DUSP10: variants seen among roughly 807,000 people sequenced by gnomAD.
DUSP10 encodes dual specificity phosphatase 10.
DUSP10 carries 14 observed loss-of-function variants against 30.8 expected under a neutral mutation model. The ratio of observed to expected loss-of-function variants is 0.46; its 90% confidence interval spans 0.30 to 0.71. DUSP10 has a LOEUF of 0.71. Ranked by LOEUF, DUSP10 falls within the 30% of genes least tolerant of loss-of-function variation. The pLI, the probability that DUSP10 is intolerant of heterozygous loss-of-function variation, is 0.08. For synonymous variants in DUSP10, 254 were observed against 250.4 expected, an observed-to-expected ratio of 1.01 and a Z score of -0.14; for missense variants, 550 against 619.4, an observed-to-expected ratio of 0.89 and a Z score of 1.19.
intron 2 of DUSP10, among the ~76,000 whole-genome samples, chr1:221,738,672 G>T (rs953170324): frequency 2.0e-5 from 3 of 152,204 alleles, no homozygotes; most frequent in Non-Finnish European, 4.4e-5. Flanking sequence ...TGAGAAAACA[G>T]TCCCAGAGAG....
At chr1:221,710,952 G>T (rs80077732) in intron 2 of DUSP10, among the ~76,000 whole-genome samples, 14 of 152,184 alleles carry the variant, frequency 9.2e-5, no homozygotes, top group African/African-American at 2.6e-4. Flanking sequence ...AAGGCGGGGT[G>T]GGGGGGCAGC....
intron 3 of DUSP10, among the ~76,000 whole-genome samples, 190 bp downstream of exon 3, chr1:221,705,905 A>G (rs1660745428): frequency 6.6e-6 from 1 of 152,164 alleles, no homozygotes; most frequent in Non-Finnish European, 1.5e-5. Flanking sequence ...ATCCATCCTG[A>G]TGGCTTGGAT....
intron 2 of DUSP10, chr1:221,737,393 C>T (rs1177334359): frequency 3.0e-6 from 3 of 985,350 alleles, no homozygotes; most frequent in Non-Finnish European, 3.6e-6. Flanking sequence ...AGGCTAGACA[C>T]ATCAAGATTA....
At chr1:221,716,560 T>C (rs529725196) in intron 2 of DUSP10, among the ~76,000 whole-genome samples, 2 of 152,344 alleles carry the variant, frequency 1.3e-5, no homozygotes, top group East Asian at 1.9e-4. Context: ...CTACTTCTAT[T>C]GAACTCCATT....
In DUSP10 at chr1:221,706,585, A is replaced by G. The variant is rs754487222; in HGVS notation, c.812-119T>C. On this transcript the variant is annotated intron_variant, in intron 2 of 3. Coordinates refer to ENST00000366899, the MANE Select transcript of DUSP10 (RefSeq NM_007207.6). This position sits in a 1 kb window ranked among gnomAD's most constrained non-coding sequence, Gnocchi z 4.6. Reference sequence around the variant, plus strand: ...ATGCATATTTTAAATACATATATAAATATGTATTTAAGCAAAAAAAATAAA... The same window carrying G: ...ATGCATATTTTAAATACATATATAAGTATGTATTTAAGCAAAAAAAATAAA... The G allele has an allele frequency of 3.6e-5, 23 of 644,620 alleles. No homozygotes were observed. The highest frequency in any genetic ancestry group is 5.4e-5 in the Non-Finnish European group (23 of 429,850). 39.9% of individuals were successfully genotyped at this position (644,620 alleles called of 1,614,324 possible).
intron 2 of DUSP10, among the ~76,000 whole-genome samples, chr1:221,738,232 A>G (rs957571196): frequency 6.6e-6 from 1 of 152,236 alleles, no homozygotes; most frequent in Non-Finnish European, 1.5e-5. Flanking sequence ...CCATTACTCC[A>G]TCTTGGGAGG....
intron 2 of DUSP10, among the ~76,000 whole-genome samples, chr1:221,723,117 A>G (rs1260978395): frequency 6.6e-6 from 1 of 152,218 alleles, no homozygotes; most frequent in Non-Finnish European, 1.5e-5. Context: ...GGGCCAACAC[A>G]TATGTTTGTC....
Position 221,739,591 on chromosome 1 carries a change from A to C in DUSP10, c.154T>G (p.Ser52Ala), listed in dbSNP as rs557962750. The change falls in exon 2 of 4, where the codon TCC becomes GCC. Residue 52 changes from serine to alanine, a missense_variant. Transcript: ENST00000366899. ...HPPVIATTVV[S>A]LKAANLTYMP... Reference sequence around the variant, plus strand: ...TACGTCAGATTCGCAGCCTTGAGGGACACAACGGTGGTGGCGATGACAGGA... The same window carrying C: ...TACGTCAGATTCGCAGCCTTGAGGGCCACAACGGTGGTGGCGATGACAGGA... The C allele has an allele frequency of 1.1e-5, 18 of 1,614,060 alleles. No individual in the cohort carries two copies. The highest frequency in any genetic ancestry group is 1.5e-5 in the Non-Finnish European group (18 of 1,180,040).
chr1:221,714,753 C>T (rs549479888), intron 2 of DUSP10, among the ~76,000 whole-genome samples: 1 of 152,302 alleles, frequency 6.6e-6, no homozygotes, highest in Admixed American at 6.5e-5. Context: ...TATTAAACCT[C>T]TGCTTCTAAA....
chr1:221,739,415 G>T lies in DUSP10; in HGVS notation c.330C>A (p.Thr110=). 1 of 1,614,230 alleles carries T rather than the reference G, an allele frequency of 6.2e-7. No individual in the cohort carries two copies. Residue 110 remains threonine, a synonymous_variant, in exon 2 of 4, where the codon ACC becomes ACA. Coordinates refer to ENST00000366899, the MANE Select transcript of DUSP10 (RefSeq NM_007207.6). The part of the protein sequence containing the change: ...GTTTTAIGTS[T]TCPANQMVNN... ...TGACCATCTGGTTAGCAGGGCAGGT[G>T]GTAGAGGTTCCGATGGCAGTGGTGG...
intron 2 of DUSP10, chr1:221,736,963 CG>C (rs2102654445): frequency 1.0e-6 from 1 of 985,472 alleles, no homozygotes; most frequent in African/African-American, 1.7e-5. Flanking sequence ...TGTCCTGCCC[CG>C]CCCCATTGAG....
In DUSP10 at chr1:221,706,081, T is replaced by C. The variant is rs78440561; in HGVS notation, c.1183+14A>G. 1,015 of 1,608,072 alleles carry C rather than the reference T, an allele frequency of 6.3e-4. 5 individuals are homozygous for C. In the African/African-American group the frequency reaches 0.012, roughly 19 times the overall value. On this transcript the variant is annotated intron_variant, in intron 3 of 3. Coordinates refer to ENST00000366899, the MANE Select transcript of DUSP10 (RefSeq NM_007207.6). The surrounding 1 kb of genome is among the most constrained non-coding windows in gnomAD (Gnocchi z 4.6). ...GAAGGCAGCGGATGAAAATTCCCTA[T>C]GGGAGATAGTTACCAATGAACTCAA...
intron 2 of DUSP10, among the ~76,000 whole-genome samples, chr1:221,716,063 C>T (rs1221294402): frequency 6.6e-6 from 1 of 151,550 alleles, no homozygotes; most frequent in Non-Finnish European, 1.5e-5. Flanking sequence ...CCCTTCTCTC[C>T]CTCTCCCTAC....
intron 2 of DUSP10, among the ~76,000 whole-genome samples, chr1:221,713,319 G>C (rs1660998074): frequency 6.6e-6 from 1 of 152,168 alleles, no homozygotes; most frequent in African/African-American, 2.4e-5. Context: ...CATGCAGAGT[G>C]GGGGTTGGGG....
chr1:221,707,897 C>T (rs983906466), intron 2 of DUSP10, among the ~76,000 whole-genome samples: 5 of 152,100 alleles, frequency 3.3e-5, no homozygotes, highest in East Asian at 1.9e-4. Flanking sequence ...AGGGAATTTA[C>T]GGATCATAGT....
chr1:221,721,495 GC>G (rs1219088533), intron 2 of DUSP10, among the ~76,000 whole-genome samples: 1 of 152,210 alleles, frequency 6.6e-6, no homozygotes, highest in Non-Finnish European at 1.5e-5. Flanking sequence ...GGTGAATTCA[GC>G]ACAAGGATTT....
At chr1:221,704,029 G>A (rs189478245) in intron 3 of DUSP10, among the ~76,000 whole-genome samples, 215 of 152,302 alleles carry the variant, frequency 1.4e-3, no homozygotes, top group Middle Eastern at 3.4e-3. Context: ...GGTGGTGAGA[G>A]AATGAGCTTC....
chr1:221,737,329 A>C (rs1040522257), intron 2 of DUSP10: 1 of 985,314 alleles, frequency 1.0e-6, no homozygotes, highest in African/African-American at 1.7e-5. Context: ...TTTGCTCCCC[A>C]AGACAAACTA....
chr1:221,705,970 C>T (rs1261677714), intron 3 of DUSP10, 125 bp downstream of exon 3: 2 of 1,327,738 alleles, frequency 1.5e-6, no homozygotes, highest in Non-Finnish European at 2.1e-6. Context: ...GGTGGCAGAG[C>T]CCTCCAAAAC....
Sources: allele counts gnomAD v4.1 joint callset (sites outside exome capture counted in the v4.1 genomes callset), GRCh38; gene constraint gnomAD v4.1.1; non-coding constraint Gnocchi (gnomAD v3.1); transcripts MANE v1.5; gene names NCBI Gene and HGNC (gene_info 2026-07-23, HGNC 2026-07-21).